Variants in TTC27 observed in about 807,000 individuals in gnomAD.
TTC27 encodes tetratricopeptide repeat protein 27.
TTC27 carries 79 observed loss-of-function variants against 115.9 expected under a neutral mutation model. The ratio of observed to expected loss-of-function variants is 0.68; its 90% confidence interval spans 0.57 to 0.82. The LOEUF (loss-of-function observed/expected upper bound fraction) is 0.82, where lower values mean the gene tolerates loss of function less well. Among genes scored for constraint, TTC27 ranks in the 40% least tolerant of loss-of-function variants. TTC27 has a pLI of 0.00. For missense variants in TTC27, 1,054 were observed against 993.1 expected (o/e 1.06, Z -0.82); for synonymous variants, 401 against 356.0 (o/e 1.13, Z -1.42).
chr2:32,747,689 A>G (rs985915563), intron 12 of TTC27, among the ~76,000 whole-genome samples: 2 of 152,186 alleles, frequency 1.3e-5, no homozygotes, highest in Non-Finnish European at 2.9e-5. Flanking sequence ...ATCACAATCT[A>G]TACTATAGTA....
chr2:32,752,345 T>G (rs1485872502), intron 12 of TTC27, among the ~76,000 whole-genome samples: 1 of 152,228 alleles, frequency 6.6e-6, no homozygotes, highest in Non-Finnish European at 1.5e-5. Context: ...AGCCTTTTTG[T>G]TCTAAGTTAT....
At chr2:32,772,672 A>G (rs930268284) in intron 13 of TTC27, among the ~76,000 whole-genome samples, 2 of 152,230 alleles carry the variant, frequency 1.3e-5, no homozygotes, top group Non-Finnish European at 2.9e-5. Flanking sequence ...TAGGTTCAGC[A>G]GATCAAGTGA....
intron 16 of TTC27, among the ~76,000 whole-genome samples, chr2:32,787,456 G>A (rs1670388218): frequency 6.6e-6 from 1 of 151,972 alleles, no homozygotes; most frequent in East Asian, 1.9e-4. Flanking sequence ...TAGTACTTTG[G>A]GTATCTCTGT....
chr2:32,805,523 A>C (rs771871495), intron 16 of TTC27, among the ~76,000 whole-genome samples: 9 of 152,234 alleles, frequency 5.9e-5, no homozygotes, highest in Non-Finnish European at 1.0e-4. Flanking sequence ...GAAATCGGGT[A>C]GGTCACGTGC....
chr2:32,779,417 C>G (rs2148014392), intron 14 of TTC27, among the ~76,000 whole-genome samples: 1 of 152,294 alleles, frequency 6.6e-6, no homozygotes. Flanking sequence ...CATCTTTTCA[C>G]ATGCTTCTTG....
chr2:32,790,684 A>G (rs1670505391), intron 16 of TTC27, among the ~76,000 whole-genome samples: 1 of 152,136 alleles, frequency 6.6e-6, no homozygotes, highest in African/African-American at 2.4e-5. Context: ...GAAACTTTGT[A>G]TCCTTTCCCC....
chr2:32,713,713 A>T (rs1667660665), intron 10 of TTC27, among the ~76,000 whole-genome samples: 1 of 152,214 alleles, frequency 6.6e-6, no homozygotes, highest in South Asian at 2.1e-4. Flanking sequence ...AACTGTGTTA[A>T]TTAAGTCAGA....
rs1044453832 is a variant in TTC27, at chr2:32,758,639, A to G, written c.1680+120A>G. ...CTGGTGAGTTTGTTTTTGACAGCTA[A>G]GAACTTAGTCTCTAATAGACTTTTT... On this transcript the variant is annotated intron_variant, in intron 13 of 19. Coordinates refer to ENST00000317907, the MANE Select transcript of TTC27 (RefSeq NM_017735.5). 5 of 915,906 alleles carry G rather than the reference A, an allele frequency of 5.5e-6. No individual in the cohort carries two copies. The African/African-American group carries it at 8.3e-5, about 15-fold the overall frequency. 56.7% of individuals were successfully genotyped at this position (915,906 alleles called of 1,614,324 possible). A position where few individuals can be genotyped will look rare whatever the true frequency, so the allele number is the denominator to read the frequency against.
intron 4 of TTC27, among the ~76,000 whole-genome samples, chr2:32,647,672 A>C (rs1343750882): frequency 2.0e-5 from 3 of 152,144 alleles, no homozygotes; most frequent in Non-Finnish European, 4.4e-5. Context: ...AATTAAGTTC[A>C]AGCAAAAAAG....
At chr2:32,652,308 T>C (rs1432297864) in intron 5 of TTC27, among the ~76,000 whole-genome samples, 1 of 151,910 alleles carries the variant, frequency 6.6e-6, no homozygotes, top group Non-Finnish European at 1.5e-5. Flanking sequence ...GAGGCGGAGG[T>C]TGCAGTGAGC....
intron 12 of TTC27, among the ~76,000 whole-genome samples, chr2:32,742,327 A>C (rs1668673162): frequency 6.6e-6 from 1 of 152,234 alleles, no homozygotes; most frequent in South Asian, 2.1e-4. Flanking sequence ...AATACTCTAT[A>C]AATTGGTAAT....
rs186027430 is a variant in TTC27, at chr2:32,726,314, C to T, written c.1234-7514C>T. Among the ~76,000 whole-genome samples the T allele has an allele frequency of 2.3e-3, 347 of 152,324 alleles. 1 individual carries two copies. Among genetic ancestry groups the T allele is most frequent in the African/African-American group, 7.9e-3 (330 of 41,580 alleles). ...TTCCGAACTTTTATGCTCTGCTTCC[C>T]TTATAAAACGGAATGCCTTTAACAG... On this transcript the variant is annotated intron_variant, in intron 10 of 19. Transcript: ENST00000317907.
Position 32,637,414 on chromosome 2 carries a change from C to G in TTC27, c.397-2856C>G, listed in dbSNP as rs546031524. Among the ~76,000 whole-genome samples, 74 of 152,156 alleles carry G rather than the reference C, an allele frequency of 4.9e-4. 2 individuals carry two copies. In the South Asian group the frequency reaches 8.9e-3, roughly 18 times the overall value. On this transcript the variant is annotated intron_variant, in intron 3 of 19. Transcript: ENST00000317907. ...TGGCGCAATCTCAGCTCACTGCAAC[C>G]TCCGCCTCCCGGGTTCAAGTGATTC...
chr2:32,817,301 A>G (rs1350533202), intron 18 of TTC27, among the ~76,000 whole-genome samples, 156 bp from the exon 19 acceptor site: 3 of 152,162 alleles, frequency 2.0e-5, no homozygotes, highest in Non-Finnish European at 2.9e-5. Flanking sequence ...AGCTATGTAC[A>G]TAATTATTAT....
intron 10 of TTC27, chr2:32,704,998 G>T (rs975179450): frequency 1.2e-4 from 54 of 459,520 alleles, no homozygotes; most frequent in African/African-American, 1.1e-3. Flanking sequence ...TTCAGGAAGT[G>T]ATATGGTTTG....
At position 32,733,856 on chromosome 2, in the gene TTC27, C is replaced by G. The variant is rs747757742; in HGVS notation, c.1262C>G (p.Thr421Ser). The change falls in exon 11 of 20, where the codon ACT becomes AGT. Residue 421 changes from threonine to serine, a missense_variant. Transcript: ENST00000317907. ...CTTGCAGACCAATTTGAAGATAAAA[C>G]TACATCTGTATTGGAACGCCTGAAG... The part of the protein sequence containing the change: ...QALADQFEDK[T>S]TSVLERLKIF... The G allele has an allele frequency of 6.2e-7, 1 of 1,611,360 alleles. No individual in the cohort carries two copies. The highest frequency in any genetic ancestry group is 1.1e-5 in the South Asian group (1 of 90,712).
intron 10 of TTC27, among the ~76,000 whole-genome samples, chr2:32,712,696 C>T (rs1030331645): frequency 4.6e-5 from 7 of 151,832 alleles, no homozygotes; most frequent in African/African-American, 1.2e-4. Context: ...TACAGGTGTG[C>T]GTCACCACGT....
chr2:32,785,500 C>T (rs533573611), intron 15 of TTC27, among the ~76,000 whole-genome samples: 1 of 152,128 alleles, frequency 6.6e-6, no homozygotes, highest in South Asian at 2.1e-4. Flanking sequence ...TTTTATAATT[C>T]GAATTCTGTG....
rs1665035800 is a variant in TTC27, at chr2:32,650,136, G to A, written c.543G>A (p.Leu181=). The change falls in exon 5 of 20, where the codon TTG becomes TTA. Residue 181 remains leucine, a synonymous_variant. Transcript: ENST00000317907. The part of the protein sequence containing the change: ...VRHKLTAIQS[L]PWWTLRCVNI... The stretch of plus-strand genomic sequence containing the variant: ...TACGTGGTGTTTTTTCCTAGAGCTT[G>A]CCATGGTGGACTTTGAGATGTGTGA... 1 of 1,613,072 alleles carries A rather than the reference G, an allele frequency of 6.2e-7. No homozygotes were observed. The highest frequency in any genetic ancestry group is 1.3e-5 in the African/African-American group (1 of 74,874).
Sources: gnomAD v4.1 joint callset for allele counts (sites outside exome capture counted in the v4.1 genomes callset) on GRCh38, gnomAD v4.1.1 for gene constraint, MANE v1.5 for transcripts, NCBI Gene and HGNC (gene_info 2026-07-23, HGNC 2026-07-21) for gene names.